Variants in SYNPR observed in about 807,000 individuals in gnomAD.
SYNPR encodes the protein synaptoporin.
Under a neutral mutation model 32.9 loss-of-function variants are expected in SYNPR, and 23 were observed. That is an observed-to-expected ratio of 0.70 (90% CI 0.50 to 0.99). SYNPR has a LOEUF of 0.99. Ranked by LOEUF, SYNPR falls within the 50% of genes least tolerant of loss-of-function variation. The pLI is 0.00. For missense variants in SYNPR, 318 were observed against 349.3 expected, an observed-to-expected ratio of 0.91 and a Z score of 0.71; for synonymous variants, 146 against 135.9, an observed-to-expected ratio of 1.07 and a Z score of -0.52.
intron 2 of SYNPR, among the ~76,000 whole-genome samples, chr3:63,335,225 T>C (rs6785657): frequency 0.72 from 109,264 of 151,580 alleles, 41,156 homozygotes; most frequent in Non-Finnish European, 0.83. Flanking sequence ...TGGTGGCGGG[T>C]GCCTGTAGTC....
intron 3 of SYNPR, among the ~76,000 whole-genome samples, chr3:63,508,165 A>G (rs1575682140): frequency 1.3e-5 from 2 of 151,922 alleles, no homozygotes; most frequent in Middle Eastern, 3.4e-3. Flanking sequence ...ACCACTATCA[A>G]CTCTATACAT....
At chr3:63,234,411 T>C (rs1453865059) in intron 1 of SYNPR, among the ~76,000 whole-genome samples, 1 of 152,124 alleles carries the variant, frequency 6.6e-6, no homozygotes, top group African/African-American at 2.4e-5. Context: ...AACCACTGGA[T>C]CTTTGGGTTC....
chr3:63,484,926 T>G (rs1701117192), intron 3 of SYNPR, among the ~76,000 whole-genome samples: 1 of 152,102 alleles, frequency 6.6e-6, no homozygotes, highest in Non-Finnish European at 1.5e-5. Context: ...CTTGAATTCC[T>G]TATAAGTTGA....
intron 2 of SYNPR, among the ~76,000 whole-genome samples, chr3:63,368,548 T>G (rs2087755079): frequency 6.6e-6 from 1 of 152,098 alleles, no homozygotes; most frequent in African/African-American, 2.4e-5. Context: ...GGACAAGATT[T>G]TCTTAAGATT....
rs1384543868 is a variant in SYNPR at position 63,480,814 on chromosome 3, T to C, written c.85-18T>C. The C allele has an allele frequency of 6.2e-7, 1 of 1,611,792 alleles. No individual in the cohort carries two copies. The highest frequency in any genetic ancestry group is 8.5e-7 in the Non-Finnish European group (1 of 1,178,520). On this transcript the variant is annotated intron_variant, in intron 2 of 5. Coordinates refer to ENST00000478300, the MANE Select transcript of SYNPR (RefSeq NM_001130003.2). ...CATCCTAATAACTGCCTTCTATTTG[T>C]TTAATTGTTCTCCACAGCTTTTTGC...
chr3:63,293,437 G>C (rs995122333), intron 2 of SYNPR, among the ~76,000 whole-genome samples: 2 of 152,158 alleles, frequency 1.3e-5, no homozygotes, highest in South Asian at 4.1e-4. Context: ...TCCACTGAGA[G>C]ATAACCTTAA....
intron 2 of SYNPR, among the ~76,000 whole-genome samples, chr3:63,479,446 G>GCGCGCGCGCACACACA (rs6147854): frequency 1.4e-4 from 19 of 135,852 alleles, no homozygotes; most frequent in Non-Finnish European, 1.9e-4. Flanking sequence ...CCACACACAT[G>GCGCGCGCGCACACACA]CACACACACA....
intron 3 of SYNPR, among the ~76,000 whole-genome samples, chr3:63,543,090 C>A (rs980069364): frequency 6.6e-6 from 1 of 152,094 alleles, no homozygotes; most frequent in Non-Finnish European, 1.5e-5. Flanking sequence ...TATGCAAATG[C>A]ACATTCCATG....
intron 2 of SYNPR, among the ~76,000 whole-genome samples, chr3:63,300,242 G>T (rs894167548): frequency 1.3e-5 from 2 of 151,952 alleles, no homozygotes; most frequent in African/African-American, 4.8e-5. Context: ...TTGGCAATTG[G>T]CTTTTTATAA....
chr3:63,544,542 G>C (rs1262909559), intron 3 of SYNPR, among the ~76,000 whole-genome samples: 1 of 152,046 alleles, frequency 6.6e-6, no homozygotes, highest in East Asian at 1.9e-4. Flanking sequence ...CAAGAGTTCT[G>C]TTAAGTTGCC....
chr3:63,462,414 A>T (rs1374605929), intron 2 of SYNPR, among the ~76,000 whole-genome samples: 1 of 152,172 alleles, frequency 6.6e-6, no homozygotes, highest in African/African-American at 2.4e-5. Flanking sequence ...AAATATTTAC[A>T]CTGAAAAGAT....
chr3:63,380,214 G>A (rs1409368241), intron 2 of SYNPR, among the ~76,000 whole-genome samples: 1 of 152,136 alleles, frequency 6.6e-6, no homozygotes, highest in Non-Finnish European at 1.5e-5. Context: ...GTAATGGGAT[G>A]GCTGGCTCAA....
At chr3:63,298,014 TTA>T (rs2086809045) in intron 2 of SYNPR, among the ~76,000 whole-genome samples, 1 of 152,132 alleles carries the variant, frequency 6.6e-6, no homozygotes, top group South Asian at 2.1e-4. Flanking sequence ...CAGCAAGGAA[TTA>T]TAGGAAAGCG....
At chr3:63,227,332 G>A (rs1469083704), upstream of SYNPR, among the ~76,000 whole-genome samples, 1 of 152,176 alleles carries the variant, frequency 6.6e-6, no homozygotes, top group Non-Finnish European at 1.5e-5. Flanking sequence ...TGGGAAAATA[G>A]ATCTTTCTGT....
chr3:63,609,645 G>A (rs116172122), intron 5 of SYNPR, among the ~76,000 whole-genome samples: 21 of 152,264 alleles, frequency 1.4e-4, no homozygotes, highest in Non-Finnish European at 2.8e-4. Flanking sequence ...AATGGCTCAC[G>A]CCTATAATCC....
At chr3:63,337,244 A>AC (rs2087306658) in intron 2 of SYNPR, among the ~76,000 whole-genome samples, 1 of 151,248 alleles carries the variant, frequency 6.6e-6, no homozygotes, top group African/African-American at 2.4e-5. Context: ...AAAAAAAAAA[A>AC]AAAAAAAAAA....
chr3:63,297,354 A>G (rs1409176049), intron 2 of SYNPR, among the ~76,000 whole-genome samples: 1 of 152,164 alleles, frequency 6.6e-6, no homozygotes, highest in East Asian at 1.9e-4. Context: ...TATGTTTATG[A>G]ATTTTATGCA....
At chr3:63,480,718 C>T in intron 2 of SYNPR, 114 bp from the exon 3 acceptor site, 1 of 1,371,294 alleles carries the variant, frequency 7.3e-7, no homozygotes, top group Non-Finnish European at 9.9e-7. Context: ...CAATGCTCTT[C>T]TTCAGAAGGA....
At chr3:63,361,802 A>C (rs970821537) in intron 2 of SYNPR, among the ~76,000 whole-genome samples, 1 of 148,172 alleles carries the variant, frequency 6.7e-6, no homozygotes, top group African/African-American at 2.4e-5. Flanking sequence ...ATATATATAC[A>C]TATTTCTACA....
Sources: gnomAD v4.1 joint callset for allele counts (sites outside exome capture counted in the v4.1 genomes callset) on GRCh38, gnomAD v4.1.1 for gene constraint, MANE v1.5 for transcripts, NCBI Gene and HGNC (gene_info 2026-07-23, HGNC 2026-07-21) for gene names.